The following DOC2B variants were observed in gnomAD, a reference collection of about 807,000 sequenced individuals.
The protein encoded by DOC2B is double C2 domain beta, also known as double C2-like domain-containing protein beta.
A neutral mutation model predicts 28.9 loss-of-function variants in DOC2B; 21 were observed. The ratio of observed to expected loss-of-function variants is 0.73; its 90% CI spans 0.52 to 1.05. The LOEUF is 1.05. DOC2B is among the 50% of genes least tolerant of loss of function. The probability of loss-of-function intolerance (pLI) is 0.00; values close to 1 mark genes in which losing one functional copy is unlikely to be tolerated. For missense variants in DOC2B, 384 were observed against 421.1 expected (o/e 0.91, Z 0.77); for synonymous variants, 194 against 178.1 (o/e 1.09, Z -0.71).
intron 1 of DOC2B, among the ~76,000 whole-genome samples, chr17:175,917 C>G (rs758321667): frequency 2.6e-5 from 4 of 152,240 alleles, no homozygotes; most frequent in Non-Finnish European, 5.9e-5. Flanking sequence ...ACAGCACACC[C>G]AGTGTGTCAC....
Position 181,342 on chromosome 17 carries a change from C to CG in DOC2B, c.137dup (p.Asp47GlyfsTer91). 8.8e-7 allele frequency: 1 copy of CG among 1,130,828 alleles called. No individual in the cohort carries two copies. Among genetic ancestry groups the CG allele is most frequent in the Non-Finnish European group, 1.1e-6 (1 of 924,410 alleles). 70.0% of individuals were successfully genotyped at this position (1,130,828 alleles called of 1,614,324 possible). On this transcript the variant is annotated frameshift_variant, in exon 1 of 9. Transcript: ENST00000613549. LOFTEE classifies it high-confidence loss of function. This position sits in a 1 kb window ranked among gnomAD's most constrained non-coding sequence, Gnocchi z 7.0. ...GTGCAGCGGCTCGGGGCCCGGCGTC[C>CG]GGGGGCAGGCCCCGCGGGAAGCGGG... is the stretch of plus-strand genomic sequence containing the variant.
intron 5 of DOC2B, among the ~76,000 whole-genome samples, chr17:157,038 C>T (rs2040143672): frequency 1.3e-5 from 2 of 152,244 alleles, no homozygotes; most frequent in South Asian, 4.1e-4. Flanking sequence ...TGCTTTTGCC[C>T]TAAGGACAGA....
intron 3 of DOC2B, 37 bp from the exon 4 acceptor site, chr17:162,227 T>G: frequency 6.8e-7 from 1 of 1,472,618 alleles, no homozygotes. Flanking sequence ...AGCATCAAAG[T>G]GTGTATCAAA....
rs2039997882 is a variant in DOC2B, at chr17:143,410, A to T, written c.*4031T>A. 6.7e-6 allele frequency: 1 copy of T among 148,714 alleles called. No homozygotes were observed. Among genetic ancestry groups the T allele is most frequent in the Non-Finnish European group, 1.5e-5 (1 of 67,694 alleles). The allele number at this position is 148,714 out of a possible 1,614,324, so 9.2% of individuals were successfully genotyped here. A position where few individuals can be genotyped will look rare whatever the true frequency, so the allele number is the denominator to read the frequency against. ...GGTGGCGTGATCTCGGCTCACTGCAATCCCCACTTTCCAGGCTCAAGCGAT... is the reference window on the plus strand; with the variant it reads ...GGTGGCGTGATCTCGGCTCACTGCATTCCCCACTTTCCAGGCTCAAGCGAT... On this transcript the variant is annotated 3_prime_UTR_variant, in exon 9 of 9. Coordinates refer to ENST00000613549, the MANE Select transcript of DOC2B (RefSeq NM_003585.5).
intron 1 of DOC2B, among the ~76,000 whole-genome samples, chr17:174,357 A>G (rs1336557791): frequency 6.6e-6 from 1 of 152,198 alleles, no homozygotes; most frequent in Non-Finnish European, 1.5e-5. Flanking sequence ...ACCTCACAGC[A>G]CAGTGTGCCT....
chr17:176,393 C>T (rs532352200), intron 1 of DOC2B, among the ~76,000 whole-genome samples: 3 of 65,018 alleles, frequency 4.6e-5, no homozygotes, highest in South Asian at 1.9e-3. Context: ...GGTGTTGGTG[C>T]GGGGGGTGCG....
At chr17:176,183 T>C (rs987417638) in intron 1 of DOC2B, among the ~76,000 whole-genome samples, 3 of 151,388 alleles carry the variant, frequency 2.0e-5, no homozygotes, top group Non-Finnish European at 4.4e-5. Flanking sequence ...CCTTAAAGCC[T>C]ACTGGCTCCC....
At chr17:178,513 C>T (rs2040394742) in intron 1 of DOC2B, among the ~76,000 whole-genome samples, 2 of 152,204 alleles carry the variant, frequency 1.3e-5, no homozygotes, top group African/African-American at 2.4e-5. Context: ...GTGTGGCCCA[C>T]GGCCCACCTG....
rs899631439 is a variant in DOC2B, at chr17:145,363, C to A, written c.*2078G>T. 0.014 allele frequency: 2,117 copies of A among 152,340 alleles called. 30 individuals are homozygous for A. The highest frequency in any genetic ancestry group is 0.077 in the Middle Eastern group (23 of 298). The allele number at this position is 152,340 out of a possible 1,614,324, so 9.4% of individuals were successfully genotyped here. On this transcript the variant is annotated 3_prime_UTR_variant, in exon 9 of 9. Transcript: ENST00000613549. ...ACCTGGGTTTGAGTCCTGGTTCACC[C>A]CTTCCTGGCTGTGTGGCCTTGGCAA...
At chr17:148,096 T>C (rs1461594736) in intron 8 of DOC2B, 77 bp downstream of exon 8, 3 of 397,948 alleles carry the variant, frequency 7.5e-6, no homozygotes, top group African/African-American at 4.1e-5. Flanking sequence ...GCTTTCCCCA[T>C]GGACCAGGAA....
intron 1 of DOC2B, among the ~76,000 whole-genome samples, chr17:180,710 C>T (rs2040430691): frequency 6.6e-6 from 1 of 151,544 alleles, no homozygotes; most frequent in Non-Finnish European, 1.5e-5. Context: ...GGGGAGCGAC[C>T]GCGCGGCCGG....
rs151031363 is a variant in DOC2B at position 172,965 on chromosome 17, C to T, written c.374-349G>A. 1.2e-3 allele frequency among the ~76,000 whole-genome samples: 189 copies of T among 152,342 alleles called. 1 individual carries two copies. Among genetic ancestry groups the T allele is most frequent in the African/African-American group, 4.5e-3 (186 of 41,570 alleles). ...GCAACTGCCAGTCTGGGCCCCGTGC[C>T]TCAGTTTCCCTCACCTGTGAAATGT... On this transcript the variant is annotated intron_variant, in intron 1 of 8. Transcript: ENST00000613549.
At chr17:179,787 G>A (rs2040415369) in intron 1 of DOC2B, among the ~76,000 whole-genome samples, 1 of 152,254 alleles carries the variant, frequency 6.6e-6, no homozygotes, top group Non-Finnish European at 1.5e-5. Context: ...ACGCCCCAGG[G>A]CAGGGCCTTC....
rs1046429571 is a variant in DOC2B at position 181,074 on chromosome 17, AG to A, written c.373+32del. The stretch of plus-strand genomic sequence containing the variant: ...GGGGGGGCCGAGCCCGAGCCAGGGG[AG>A]GGGGCGCGAAGTCGGCGCGTGGGAA... On this transcript the variant is annotated intron_variant, in intron 1 of 8. Coordinates refer to ENST00000613549, the MANE Select transcript of DOC2B (RefSeq NM_003585.5). The surrounding 1 kb of genome is among the most constrained non-coding windows in gnomAD (Gnocchi z 7.0). 69 of 1,227,896 alleles carry A rather than the reference AG, an allele frequency of 5.6e-5. No individual in the cohort carries two copies. The highest frequency in any genetic ancestry group is 3.2e-4 in the Middle Eastern group (1 of 3,134). The allele number at this position is 1,227,896 out of a possible 1,614,324, so 76.1% of individuals were successfully genotyped here.
At chr17:173,377 T>C (rs2151474581) in intron 1 of DOC2B, among the ~76,000 whole-genome samples, 1 of 151,774 alleles carries the variant, frequency 6.6e-6, no homozygotes, top group East Asian at 1.9e-4. Flanking sequence ...GAGATGATGG[T>C]GGGGGGCAGA....
At position 174,649 on chromosome 17, in the gene DOC2B, G is replaced by A. The variant is rs144075050; in HGVS notation, c.374-2033C>T. Among the ~76,000 whole-genome samples the A allele has an allele frequency of 1.7e-3, 263 of 152,292 alleles. 1 individual carries two copies. Among genetic ancestry groups the A allele is most frequent in the African/African-American group, 5.7e-3 (236 of 41,546 alleles). On this transcript the variant is annotated intron_variant, in intron 1 of 8. Coordinates refer to ENST00000613549, the MANE Select transcript of DOC2B (RefSeq NM_003585.5). ...AGCAACCCCTGCACCAGAGGGTCCC[G>A]GGTGGCCCTCTTTTCGGTTTTCTTC... is the stretch of plus-strand genomic sequence containing the variant.
chr17:146,531 CA>C lies in DOC2B; in HGVS notation c.*909del, dbSNP rs2040020602. On this transcript the variant is annotated 3_prime_UTR_variant, in exon 9 of 9. Transcript: ENST00000613549. ...CCCCCACCTCCTGCCTCGAGCCTCA[CA>C]CCTTCCTAACAAACCCTCCCCTGGA... 6.6e-6 allele frequency: 1 copy of C among 152,382 alleles called. No individual in the cohort carries two copies. Among genetic ancestry groups the C allele is most frequent in the Admixed American group, 6.5e-5 (1 of 15,304 alleles). 9.4% of individuals were successfully genotyped at this position (152,382 alleles called of 1,614,324 possible).
rs1357941911 is a variant in DOC2B, at chr17:154,865, G to A, written c.923+1355C>T. 5.3e-5 allele frequency among the ~76,000 whole-genome samples: 8 copies of A among 152,154 alleles called. No homozygotes were observed. The East Asian group carries it at 7.7e-4, about 15-fold the overall frequency. ...CTGCCTCAGCCTCCCAAGTAGCTGC[G>A]ATTACAGGCGCCCGCCACCACACCC... On this transcript the variant is annotated intron_variant, in intron 6 of 8. Transcript: ENST00000613549.
At chr17:159,198 C>G (rs1555522943) in intron 5 of DOC2B, among the ~76,000 whole-genome samples, 3 of 150,440 alleles carry the variant, frequency 2.0e-5, no homozygotes, top group Non-Finnish European at 4.4e-5. Flanking sequence ...ATTCTAAAAC[C>G]TACCGCCAGA....
Sources: allele counts gnomAD v4.1 joint callset (sites outside exome capture counted in the v4.1 genomes callset), GRCh38; gene constraint gnomAD v4.1.1; non-coding constraint Gnocchi (gnomAD v3.1); transcripts MANE v1.5; gene names NCBI Gene and HGNC (gene_info 2026-07-23, HGNC 2026-07-21).